Variants in MSTO1 observed in about 807,000 individuals in gnomAD.
MSTO1 encodes protein misato homolog 1.
MSTO1 carries 24 observed loss-of-function variants against 55.7 expected under a neutral mutation model. The ratio of observed to expected loss-of-function variants is 0.43; its 90% CI spans 0.31 to 0.61. The LOEUF is 0.61. Ranked by LOEUF, MSTO1 falls within the 20% of genes least tolerant of loss-of-function variation. MSTO1 has a pLI of 0.09. For missense variants in MSTO1, 363 were observed against 625.7 expected, an observed-to-expected ratio of 0.58 and a Z score of 4.48; for synonymous variants, 162 against 252.8, an observed-to-expected ratio of 0.64 and a Z score of 3.41.
chr1:155,563,430 C>T, the MSTO1 span: 1 of 456,600 alleles, frequency 2.2e-6, no homozygotes, highest in Non-Finnish European at 4.4e-6. Context: ...ACCGGCGCGC[C>T]TCCGGGGGGA....
At chr1:155,592,399 C>G in the MSTO1 span, among the ~76,000 whole-genome samples, 137 of 152,204 alleles carry the variant, frequency 9.0e-4, no homozygotes, top group African/African-American at 3.1e-3. Flanking sequence ...GGTGTTTAGC[C>G]AAAGGAATCA....
the MSTO1 span, among the ~76,000 whole-genome samples, chr1:155,601,291 G>A: frequency 2.0e-5 from 3 of 150,764 alleles, no homozygotes; most frequent in African/African-American, 4.9e-5. Flanking sequence ...CTGCCACCAC[G>A]CCCGGCTATT....
At chr1:155,599,037 C>T in the MSTO1 span, 3 of 545,514 alleles carry the variant, frequency 5.5e-6, no homozygotes, top group East Asian at 3.7e-5. Context: ...TTGCCAGTCA[C>T]GATGGCTCAT....
the MSTO1 span, chr1:155,591,176 C>T: frequency 6.2e-7 from 1 of 1,613,146 alleles, no homozygotes; most frequent in South Asian, 1.1e-5. Flanking sequence ...TCACTTTCCA[C>T]ATGGGCAGGA....
At chr1:155,581,138 A>T in the MSTO1 span, among the ~76,000 whole-genome samples, 2 of 152,044 alleles carry the variant, frequency 1.3e-5, no homozygotes, top group African/African-American at 4.8e-5. Flanking sequence ...TTTGTTTTTT[A>T]ATTGTTTTTA....
intron 2 of MSTO1, chr1:155,610,770 G>A: frequency 2.3e-6 from 1 of 432,006 alleles, no homozygotes; most frequent in Non-Finnish European, 4.1e-6. Flanking sequence ...GAGACAGTGA[G>A]GACTTGAACT....
the MSTO1 span, among the ~76,000 whole-genome samples, chr1:155,571,522 G>A: frequency 1.3e-5 from 2 of 152,108 alleles, no homozygotes; most frequent in African/African-American, 2.4e-5. Flanking sequence ...TGATACCACT[G>A]CACTCAAGCC....
the MSTO1 span, among the ~76,000 whole-genome samples, chr1:155,576,779 C>T: frequency 6.6e-6 from 1 of 150,528 alleles, no homozygotes; most frequent in Non-Finnish European, 1.5e-5. Context: ...TTTGGGAGGC[C>T]AAACTGGGTG....
chr1:155,576,849 A>C, the MSTO1 span, among the ~76,000 whole-genome samples: 5,625 of 147,652 alleles, frequency 0.038, 375 homozygotes, highest in African/African-American at 0.13. Context: ...CCCCATCTCT[A>C]CTAAAAATAC....
At chr1:155,591,197 C>G in the MSTO1 span, 1 of 1,612,492 alleles carries the variant, frequency 6.2e-7, no homozygotes, top group Non-Finnish European at 8.5e-7. Context: ...CGCAGGAGAC[C>G]AGGCCATTCA....
chr1:155,607,977 C>A (rs544158330), upstream of MSTO1, among the ~76,000 whole-genome samples: 15 of 152,154 alleles, frequency 9.9e-5, 1 homozygote, highest in South Asian at 3.1e-3. Flanking sequence ...CCAGCCAGGG[C>A]AAAGAGAGTG....
the MSTO1 span, chr1:155,591,092 T>G: frequency 1.5e-5 from 25 of 1,613,494 alleles, no homozygotes; most frequent in Middle Eastern, 4.9e-4. Flanking sequence ...TGGCTAGTGC[T>G]CTGCACCACT....
the MSTO1 span, among the ~76,000 whole-genome samples, chr1:155,601,089 G>T: frequency 6.6e-6 from 1 of 151,220 alleles, no homozygotes; most frequent in Non-Finnish European, 1.5e-5. Flanking sequence ...AAAGTGCTGG[G>T]ATTATAGGCT....
chr1:155,598,582 C>G, the MSTO1 span, among the ~76,000 whole-genome samples: 11 of 152,036 alleles, frequency 7.2e-5, no homozygotes, highest in Non-Finnish European at 1.3e-4. Flanking sequence ...ATTAGCCAGG[C>G]GTGGTGGTAC....
chr1:155,583,328 C>T, the MSTO1 span, among the ~76,000 whole-genome samples: 2 of 151,230 alleles, frequency 1.3e-5, no homozygotes, highest in Non-Finnish European at 2.9e-5. Flanking sequence ...TCACTTGAGG[C>T]CAGGAGTTAG....
the MSTO1 span, among the ~76,000 whole-genome samples, chr1:155,565,861 C>T: frequency 1.3e-5 from 2 of 152,136 alleles, no homozygotes; most frequent in African/African-American, 2.4e-5. Flanking sequence ...ATTATTTGAA[C>T]CAATGAAGAT....
At chr1:155,603,042 T>C in the MSTO1 span, among the ~76,000 whole-genome samples, 1 of 151,970 alleles carries the variant, frequency 6.6e-6, no homozygotes, top group Admixed American at 6.6e-5. Flanking sequence ...GTATGTTTTT[T>C]CAAGGCTCCA....
At chr1:155,566,893 G>A in the MSTO1 span, among the ~76,000 whole-genome samples, 1 of 152,018 alleles carries the variant, frequency 6.6e-6, no homozygotes, top group Non-Finnish European at 1.5e-5. Context: ...GGGATTACAG[G>A]TGTGAGCCAC....
intron 8 of MSTO1, 26 bp from the exon 9 acceptor site, chr1:155,612,392 A>C: frequency 6.3e-7 from 1 of 1,599,714 alleles, no homozygotes; most frequent in Non-Finnish European, 8.5e-7. Flanking sequence ...AGAGCTGCTT[A>C]ATACAAACTA....
Sources: gnomAD v4.1 joint callset for allele counts (sites outside exome capture counted in the v4.1 genomes callset) on GRCh38, gnomAD v4.1.1 for gene constraint, MANE v1.5 for transcripts, NCBI Gene and HGNC (gene_info 2026-07-23, HGNC 2026-07-21) for gene names.